Variants in FSIP1 observed in about 807,000 individuals in gnomAD.
FSIP1 encodes the protein fibrous sheath interacting protein 1, also known as fibrous sheath-interacting protein 1.
FSIP1 carries 65 observed loss-of-function variants against 60.9 expected under a neutral mutation model. The observed-to-expected ratio is 1.07, with a 90% confidence interval of 0.87 to 1.31. The LOEUF is 1.31. Among genes scored for constraint, FSIP1 ranks in the 40% most tolerant of loss-of-function variants. The pLI is 0.00. For synonymous variants in FSIP1, 209 were observed against 221.2 expected (o/e 0.94, Z 0.49); for missense variants, 675 against 665.5 (o/e 1.01, Z -0.16).
intron 11 of FSIP1, among the ~76,000 whole-genome samples, chr15:39,608,995 C>A (rs1440577818): frequency 6.6e-6 from 1 of 152,168 alleles, no homozygotes; most frequent in East Asian, 1.9e-4. Context: ...CCCCTGGGCC[C>A]AGAGTTTCTA....
chr15:39,706,387 C>CT (rs1194465657), intron 10 of FSIP1, among the ~76,000 whole-genome samples: 1 of 152,162 alleles, frequency 6.6e-6, no homozygotes, highest in Non-Finnish European at 1.5e-5. Flanking sequence ...ATTTGTCATT[C>CT]TTTTGGCTGG....
chr15:39,622,838 T>C (rs561614484), intron 10 of FSIP1, among the ~76,000 whole-genome samples: 2 of 152,298 alleles, frequency 1.3e-5, no homozygotes, highest in South Asian at 4.1e-4. Flanking sequence ...CAAGTGTCCT[T>C]TTCCCAACTG....
intron 10 of FSIP1, among the ~76,000 whole-genome samples, chr15:39,640,689 A>G: frequency 6.7e-6 from 1 of 149,228 alleles, no homozygotes; most frequent in Non-Finnish European, 1.5e-5. Flanking sequence ...ATTCACAAAG[A>G]CTCCAGTGCA....
intron 5 of FSIP1, among the ~76,000 whole-genome samples, chr15:39,745,706 G>C (rs1166097478): frequency 6.6e-6 from 1 of 152,180 alleles, no homozygotes; most frequent in Non-Finnish European, 1.5e-5. Flanking sequence ...GGAGTGTCTG[G>C]AGAAAACACA....
chr15:39,713,197 C>T (rs1429454948), intron 10 of FSIP1, among the ~76,000 whole-genome samples: 1 of 152,172 alleles, frequency 6.6e-6, no homozygotes, highest in Non-Finnish European at 1.5e-5. Context: ...TGATTTAACA[C>T]ATGAGAACAG....
At chr15:39,608,519 G>C (rs1890908161) in intron 11 of FSIP1, among the ~76,000 whole-genome samples, 1 of 152,174 alleles carries the variant, frequency 6.6e-6, no homozygotes, top group Non-Finnish European at 1.5e-5. Context: ...AGTCAGAGGA[G>C]ATTCAGATAC....
At chr15:39,728,429 CA>C (rs1416122265) in intron 8 of FSIP1, among the ~76,000 whole-genome samples, 5 of 152,070 alleles carry the variant, frequency 3.3e-5, no homozygotes, top group African/African-American at 1.2e-4. Context: ...GGTACTAGTA[CA>C]AAAACAGACA....
intron 1 of FSIP1, among the ~76,000 whole-genome samples, chr15:39,782,122 T>C (rs1898287531): frequency 6.6e-6 from 1 of 152,242 alleles, no homozygotes; most frequent in African/African-American, 2.4e-5. Flanking sequence ...TGCACCAAAT[T>C]ACACTACTTC....
At chr15:39,672,327 G>A (rs1043490002) in intron 10 of FSIP1, among the ~76,000 whole-genome samples, 6 of 152,192 alleles carry the variant, frequency 3.9e-5, no homozygotes, top group Non-Finnish European at 5.9e-5. Context: ...GATTACTGTC[G>A]TCCTCAACAT....
chr15:39,666,807 T>G (rs994604180), intron 10 of FSIP1, among the ~76,000 whole-genome samples: 2 of 152,200 alleles, frequency 1.3e-5, no homozygotes, highest in Non-Finnish European at 2.9e-5. Context: ...CACAGCAGGA[T>G]GCAGATTCCT....
chr15:39,679,567 A>G (rs1051143748), intron 10 of FSIP1, among the ~76,000 whole-genome samples: 38 of 152,146 alleles, frequency 2.5e-4, no homozygotes, highest in African/African-American at 9.2e-4. Context: ...AGGCCACTGC[A>G]CTCTGGCCTG....
intron 3 of FSIP1, among the ~76,000 whole-genome samples, chr15:39,769,291 A>AG (rs1369101619): frequency 1.3e-5 from 2 of 152,160 alleles, no homozygotes; most frequent in Middle Eastern, 3.4e-3. Flanking sequence ...AAAAAAAAAA[A>AG]AAAGAAAAGT....
intron 2 of FSIP1, among the ~76,000 whole-genome samples, chr15:39,776,061 GT>G (rs1355253772): frequency 7.0e-6 from 1 of 143,576 alleles, no homozygotes; most frequent in African/African-American, 2.6e-5. Context: ...CGATACACAA[GT>G]TTTAACAAAG....
intron 10 of FSIP1, among the ~76,000 whole-genome samples, chr15:39,643,178 T>C (rs1202202043): frequency 1.3e-5 from 2 of 151,936 alleles, no homozygotes; most frequent in Non-Finnish European, 2.9e-5. Flanking sequence ...GTGGGAAAGA[T>C]AAAAGGAAAA....
intron 3 of FSIP1, among the ~76,000 whole-genome samples, chr15:39,769,294 A>AG (rs1458626866): frequency 6.6e-6 from 1 of 151,842 alleles, no homozygotes; most frequent in Non-Finnish European, 1.5e-5. Flanking sequence ...AAAAAAAAAA[A>AG]GAAAAGTCTA....
At chr15:39,779,988 A>G (rs541618219) in intron 1 of FSIP1, among the ~76,000 whole-genome samples, 7 of 152,302 alleles carry the variant, frequency 4.6e-5, no homozygotes, top group Non-Finnish European at 7.3e-5. Context: ...TTTACTTTAT[A>G]TATTTGTGTA....
chr15:39,704,520 G>T (rs921846331), intron 10 of FSIP1, among the ~76,000 whole-genome samples: 9 of 152,236 alleles, frequency 5.9e-5, no homozygotes, highest in Non-Finnish European at 1.3e-4. Context: ...CTATACGGAC[G>T]TGACTTAGAG....
chr15:39,659,551 A>C (rs1893209455), intron 10 of FSIP1, among the ~76,000 whole-genome samples: 1 of 151,786 alleles, frequency 6.6e-6, no homozygotes, highest in Non-Finnish European at 1.5e-5. Flanking sequence ...CAAAAAAAAA[A>C]AAAACACTGA....
chr15:39,730,572 A>G (rs7171939), intron 8 of FSIP1, among the ~76,000 whole-genome samples: 60,293 of 152,036 alleles, frequency 0.4, 14,226 homozygotes, highest in African/African-American at 0.67. Flanking sequence ...TATGCACAAA[A>G]ACTTTTATAT....
Sources: gnomAD v4.1 joint callset for allele counts (sites outside exome capture counted in the v4.1 genomes callset) on GRCh38, gnomAD v4.1.1 for gene constraint, MANE v1.5 for transcripts, NCBI Gene and HGNC (gene_info 2026-07-23, HGNC 2026-07-21) for gene names.